The following RASGEF1A variants were observed in gnomAD, a reference collection of about 807,000 sequenced individuals.
RASGEF1A encodes RasGEF domain family member 1A, also known as ras-GEF domain-containing family member 1A.
In RASGEF1A, 18 loss-of-function variants were observed where a neutral mutation model predicts 56.4. The ratio of observed to expected loss-of-function variants is 0.32; its 90% confidence interval spans 0.22 to 0.47. The LOEUF (loss-of-function observed/expected upper bound fraction) is 0.47. Among genes scored for constraint, RASGEF1A ranks in the 20% least tolerant of loss-of-function variants. RASGEF1A has a pLI of 1.00. For missense variants in RASGEF1A, 422 were observed against 627.1 expected (o/e 0.67, Z 3.49); for synonymous variants, 245 against 242.6 (o/e 1.01, Z -0.09).
rs375060390 is a variant in RASGEF1A, at chr10:43,198,182, G to C, written c.1046C>G (p.Pro349Arg). The stretch of plus-strand genomic sequence containing the variant: ...ACGGTAGTTGCAGAAGTTGCTGGAC[G>C]GGTCCATGTGATGCTGTGGGCACAG... ...KFDVLEHHMD[P>R]SSNFCNYRTA... The change falls in exon 10 of 13, where the codon CCG becomes CGG. Residue 349 changes from proline (P) to arginine (R), a missense_variant. Coordinates refer to ENST00000395810, the MANE Select transcript of RASGEF1A (RefSeq NM_145313.4). 1 of 1,610,874 alleles carries C rather than the reference G, an allele frequency of 6.2e-7. No homozygotes were observed. The highest frequency in any genetic ancestry group is 8.5e-7 in the Non-Finnish European group (1 of 1,177,466).
intron 1 of RASGEF1A, chr10:43,229,546 C>G: frequency 8.7e-7 from 1 of 1,146,956 alleles, no homozygotes; most frequent in Non-Finnish European, 1.2e-6. Flanking sequence ...CCGCACGGGT[C>G]GGGATGCAGG....
intron 1 of RASGEF1A, among the ~76,000 whole-genome samples, chr10:43,223,965 C>A (rs1276640684): frequency 6.6e-6 from 1 of 152,054 alleles, no homozygotes; most frequent in Non-Finnish European, 1.5e-5. Flanking sequence ...CAAACAACTA[C>A]CTAAATCTGT....
At chr10:43,219,701 C>CCACACA (rs1179034184) in intron 1 of RASGEF1A, among the ~76,000 whole-genome samples, 4 of 152,208 alleles carry the variant, frequency 2.6e-5, no homozygotes, top group Non-Finnish European at 5.9e-5. Flanking sequence ...GAAGGGATGG[C>CCACACA]CAGCCGCGTA....
chr10:43,211,739 G>A (rs1210589047), intron 1 of RASGEF1A, among the ~76,000 whole-genome samples: 4 of 151,972 alleles, frequency 2.6e-5, no homozygotes, highest in East Asian at 3.9e-4. Context: ...CCACACCCCC[G>A]CACACCTGAG....
At chr10:43,199,899 C>A in intron 6 of RASGEF1A, 131 bp from the exon 7 acceptor site, 3 of 809,936 alleles carry the variant, frequency 3.7e-6, no homozygotes, top group South Asian at 1.6e-5. Flanking sequence ...CCTGCGTGCT[C>A]CTTGCTGCCC....
At chr10:43,260,068 C>G (rs1836498169) in intron 1 of RASGEF1A, among the ~76,000 whole-genome samples, 1 of 152,218 alleles carries the variant, frequency 6.6e-6, no homozygotes, top group East Asian at 1.9e-4. Flanking sequence ...CTGGCAAAAT[C>G]AGTGTAATGA....
At chr10:43,259,939 C>T (rs757449966) in intron 1 of RASGEF1A, among the ~76,000 whole-genome samples, 10 of 151,974 alleles carry the variant, frequency 6.6e-5, no homozygotes, top group Non-Finnish European at 1.5e-4. Context: ...CAGGAAGGCT[C>T]GGAGAGATGA....
chr10:43,265,561 G>A (rs575481053), intron 1 of RASGEF1A, among the ~76,000 whole-genome samples: 1 of 152,382 alleles, frequency 6.6e-6, no homozygotes, highest in East Asian at 1.9e-4. Flanking sequence ...ATGTCCCCCT[G>A]CTCCGGATCT....
chr10:43,265,575 C>T (rs996843974), intron 1 of RASGEF1A, among the ~76,000 whole-genome samples: 1 of 152,270 alleles, frequency 6.6e-6, no homozygotes, highest in South Asian at 2.1e-4. Flanking sequence ...CGGATCTCCC[C>T]TTCCTGGGCT....
At position 43,249,321 on chromosome 10, in the gene RASGEF1A, T is replaced by C. The variant is rs547178503; in HGVS notation, c.-7+17524A>G. ...TGACCATCTGTATGTCCATCCTCCCTGGTAAGCCCTCATCCAAGTGGCCAT... is the reference window on the plus strand; with the variant it reads ...TGACCATCTGTATGTCCATCCTCCCCGGTAAGCCCTCATCCAAGTGGCCAT... On this transcript the variant is annotated intron_variant, in intron 1 of 12. Coordinates refer to ENST00000395810, the MANE Select transcript of RASGEF1A (RefSeq NM_145313.4). Among the ~76,000 whole-genome samples, 9 of 152,322 alleles carry C rather than the reference T, an allele frequency of 5.9e-5. No homozygotes were observed. The East Asian group carries it at 1.7e-3, about 29-fold the overall frequency.
intron 1 of RASGEF1A, among the ~76,000 whole-genome samples, chr10:43,233,315 CGTGT>C (rs376496591): frequency 8.0e-5 from 12 of 150,752 alleles, no homozygotes; most frequent in Non-Finnish European, 1.5e-4. Flanking sequence ...TGTGTGTGTG[CGTGT>C]GTGTGTGTGT....
At chr10:43,228,321 C>G (rs750572291) in intron 1 of RASGEF1A, among the ~76,000 whole-genome samples, 1 of 152,198 alleles carries the variant, frequency 6.6e-6, no homozygotes, top group Non-Finnish European at 1.5e-5. Context: ...AAGGCACAGA[C>G]AGCCCCCTCC....
intron 1 of RASGEF1A, among the ~76,000 whole-genome samples, chr10:43,226,556 G>A (rs1220686757): frequency 1.3e-5 from 2 of 151,730 alleles, no homozygotes; most frequent in Admixed American, 1.3e-4. Flanking sequence ...GTTCCCTCAG[G>A]AGCCCCCACG....
At position 43,229,894 on chromosome 10, in the gene RASGEF1A, G is replaced by A. The variant is rs576758193; in HGVS notation, c.-6-23772C>T. ...GAACGCGGGGCGGGGCCGAGGCTAG[G>A]AGCATGGCGCGGAGGTGGGGCAGGG... On this transcript the variant is annotated intron_variant, in intron 1 of 12. Transcript: ENST00000395810. Among the ~76,000 whole-genome samples the A allele has an allele frequency of 2.4e-3, 370 of 152,116 alleles. 4 individuals are homozygous for A. Among genetic ancestry groups the A allele is most frequent in the African/African-American group, 7.8e-3 (326 of 41,536 alleles).
intron 1 of RASGEF1A, among the ~76,000 whole-genome samples, chr10:43,235,346 T>G (rs2503846): frequency 0.77 from 116,566 of 152,114 alleles, 44,866 homozygotes; most frequent in East Asian, 0.96. Context: ...TACCATGGTG[T>G]ATTTAGCCCT....
chr10:43,232,142 C>T (rs150011641), intron 1 of RASGEF1A, among the ~76,000 whole-genome samples: 14 of 152,302 alleles, frequency 9.2e-5, no homozygotes, highest in African/African-American at 2.9e-4. Flanking sequence ...GTGTCCCCAC[C>T]CAAATCTCAT....
rs548445235 is a variant in RASGEF1A at position 43,258,522 on chromosome 10, T to C, written c.-7+8323A>G. ...GACACCAGAGGACAAGTGCATTTCC[T>C]TGGGGCAAAGCTGCAGGCCACAGCA... On this transcript the variant is annotated intron_variant, in intron 1 of 12. Transcript: ENST00000395810. Among the ~76,000 whole-genome samples, 9 of 152,342 alleles carry C rather than the reference T, an allele frequency of 5.9e-5. 1 individual carries two copies. The South Asian group carries it at 1.9e-3, about 32-fold the overall frequency.
chr10:43,198,298 C>A (rs1839833730), intron 9 of RASGEF1A, 103 bp from the exon 10 acceptor site: 3 of 1,062,950 alleles, frequency 2.8e-6, no homozygotes, highest in Non-Finnish European at 3.9e-6. Context: ...AGAGAAGGCA[C>A]CTGGCCCCTG....
chr10:43,203,625 C>T, intron 2 of RASGEF1A: 1 of 1,207,756 alleles, frequency 8.3e-7, no homozygotes, highest in Non-Finnish European at 1.1e-6. Context: ...GGAGGCACGG[C>T]TCGAGCCCCG....
Sources: allele counts gnomAD v4.1 joint callset (sites outside exome capture counted in the v4.1 genomes callset), GRCh38; gene constraint gnomAD v4.1.1; transcripts MANE v1.5; gene names NCBI Gene and HGNC (gene_info 2026-07-23, HGNC 2026-07-21).